The following LTK variants were observed in gnomAD, a reference collection of about 807,000 sequenced individuals.
LTK encodes leukocyte tyrosine kinase receptor.
LTK carries 117 observed loss-of-function variants against 101.5 expected under a neutral mutation model. The observed-to-expected ratio is 1.15, with a 90% CI of 0.99 to 1.34. LTK has a LOEUF of 1.34. LTK is among the 40% of genes most tolerant of loss of function. The pLI is 0.00. For missense variants in LTK, 1,252 were observed against 1,164.7 expected (o/e 1.07, Z -1.09); for synonymous variants, 563 against 494.2 (o/e 1.14, Z -1.85).
chr15:41,504,322 A>T lies in LTK; in HGVS notation c.2346+20T>A. On this transcript the variant is annotated intron_variant, in intron 19 of 19. Transcript: ENST00000263800. ...TCCTGACCCACAAGACCAGGATGTT[A>T]GATTAGGTCGGGGGCACACCTGAGT... 6.2e-7 allele frequency: 1 copy of T among 1,613,730 alleles called. No individual in the cohort carries two copies. Among genetic ancestry groups the T allele is most frequent in the Non-Finnish European group, 8.5e-7 (1 of 1,179,810 alleles).
intron 16 of LTK, 47 bp from the exon 17 acceptor site, chr15:41,504,921 CG>C (rs747529266): frequency 1.3e-6 from 2 of 1,595,244 alleles, no homozygotes; most frequent in South Asian, 2.3e-5. Context: ...CACCAAGGTG[CG>C]GGGAAAACCC....
chr15:41,513,636 GA>G (rs1566877472), intron 1 of LTK, 30 bp downstream of exon 1: 1 of 1,610,876 alleles, frequency 6.2e-7, no homozygotes, highest in South Asian at 1.1e-5. Flanking sequence ...CCTCAGGCTG[GA>G]CGGTCCCCTG....
chr15:41,505,892 G>C (rs367632540), intron 12 of LTK, 23 bp downstream of exon 12: 3 of 1,607,118 alleles, frequency 1.9e-6, no homozygotes, highest in Non-Finnish European at 2.6e-6. Flanking sequence ...CCTACCCCCA[G>C]CCAGAAGTCC....
At chr15:41,505,166 G>T (rs751504491) in intron 15 of LTK, 42 bp downstream of exon 15, 1 of 1,596,188 alleles carries the variant, frequency 6.3e-7, no homozygotes, top group Non-Finnish European at 8.6e-7. Flanking sequence ...CCTTGGGGAG[G>T]GAGTTGGGAT....
chr15:41,512,208 C>A lies in LTK; in HGVS notation c.417G>T (p.Ala139=), dbSNP rs748731374. ...GKGAKNHLSR[A]HGVFVSAIFS... is the part of the protein sequence containing the mutation. ...AGATTGCTGAGACGAAGACGCCATG[C>A]GCCCGCGACAGGTGGTTCTTGGCGC... Residue 139 remains alanine (A), a synonymous_variant, in exon 4 of 20, where the codon GCG becomes GCT. Transcript: ENST00000263800. 1.4e-5 allele frequency: 23 copies of A among 1,613,010 alleles called. No individual in the cohort carries two copies. The Admixed American group carries it at 1.8e-4, about 13-fold the overall frequency.
chr15:41,513,739 C>A lies in LTK; in HGVS notation c.-30G>T, dbSNP rs139430007. 1 of 1,609,130 alleles carries A rather than the reference C, an allele frequency of 6.2e-7. No individual in the cohort carries two copies. Among genetic ancestry groups the A allele is most frequent in the South Asian group, 1.1e-5 (1 of 91,018 alleles). ...GTTGGGTCCACCCGGCAACAAAAGC[C>A]CTTGCGGTCGCGGCCACACCCCTGT... On this transcript the variant is annotated 5_prime_UTR_variant, in exon 1 of 20. Transcript: ENST00000263800.
chr15:41,504,043 T>C lies in LTK; in HGVS notation c.2548A>G (p.Arg850Gly), dbSNP rs1337969951. 6.2e-7 allele frequency: 1 copy of C among 1,612,892 alleles called. No individual in the cohort carries two copies. Among genetic ancestry groups the C allele is most frequent in the Non-Finnish European group, 8.5e-7 (1 of 1,179,702 alleles). The change falls in exon 20 of 20, where the codon AGG (arginine) becomes GGG (glycine). Residue 850 changes from arginine to glycine, a missense_variant. Physicochemically the swap from Arg to Gly is moderately radical, Grantham distance 125. Transcript: ENST00000263800. ...LSSGLKPLKSRGLQPQNLWNP... is the reference protein window; with the variant it reads ...LSSGLKPLKSGGLQPQNLWNP... Reference sequence around the variant, plus strand: ...CAAAGGTTCTGAGGTTGGAGGCCCCTGGATTTGAGGGGCTTGAGGCCAGAG... The same window carrying C: ...CAAAGGTTCTGAGGTTGGAGGCCCCCGGATTTGAGGGGCTTGAGGCCAGAG...
chr15:41,513,681 C>T lies in LTK; in HGVS notation c.29G>A (p.Trp10Ter). The T allele has an allele frequency of 6.2e-6, 10 of 1,612,704 alleles. No homozygotes were observed. Among genetic ancestry groups the T allele is most frequent in the Non-Finnish European group, 8.5e-6 (10 of 1,179,490 alleles). The change falls in exon 1 of 20, where the codon TGG becomes TAG. Residue 10 changes from tryptophan (W) to a stop codon, truncating the protein, a stop_gained. Transcript: ENST00000263800. LOFTEE classifies it high-confidence loss of function. ...ATAGCACTTACCCGCGGCTCCGAAC[C>T]ACACCAGCAGCTGTCCCCAGCAGCC... is the stretch of plus-strand genomic sequence containing the variant. MGCWGQLLVWFGAAGAILCS... is the reference protein window; with the variant it reads MGCWGQLLV
At chr15:41,506,716 AC>A (rs1246464008) in intron 11 of LTK, among the ~76,000 whole-genome samples, 6 of 151,586 alleles carry the variant, frequency 4.0e-5, no homozygotes, top group Non-Finnish European at 8.8e-5. Context: ...TCAGCCTCCC[AC>A]GTAGCTGGGA....
chr15:41,504,339 C>T lies in LTK; in HGVS notation c.2346+3G>A, dbSNP rs767638622. On this transcript the variant is annotated splice_donor_region_variant and intron_variant, in intron 19 of 19. Transcript: ENST00000263800. ...AGGATGTTAGATTAGGTCGGGGGCA[C>T]ACCTGAGTGCAGTACTGCAGACGCT... 5.0e-6 allele frequency: 8 copies of T among 1,614,056 alleles called. No homozygotes were observed. Among genetic ancestry groups the T allele is most frequent in the Non-Finnish European group, 6.8e-6 (8 of 1,179,992 alleles).
At chr15:41,512,334 G>A in intron 3 of LTK, 69 bp from the exon 4 acceptor site, 3 of 1,504,102 alleles carry the variant, frequency 2.0e-6, no homozygotes, top group South Asian at 1.2e-5. Flanking sequence ...AGAAGTTGGC[G>A]ACAGAGGAGG....
In LTK at chr15:41,511,427, GC is replaced by G; in HGVS notation, c.808del (p.Ala270ArgfsTer104). The G allele has an allele frequency of 7.2e-7, 1 of 1,384,378 alleles. No homozygotes were observed. The highest frequency in any genetic ancestry group is 9.3e-7 in the Non-Finnish European group (1 of 1,078,200). 85.8% of individuals were successfully genotyped at this position (1,384,378 alleles called of 1,614,324 possible). A position where few individuals can be genotyped will look rare whatever the true frequency, so the allele number is the denominator to read the frequency against. ...CCCGCGGCCCGCGCCCTCACCTGCC[GC>G]CCCGCCTCTCCCGCCGCTCCCGGGC... is the stretch of plus-strand genomic sequence containing the variant. ...EAPGSGGRGGAAGGGGGWTSR... is the reference protein window; with the variant it reads ...EAPGSGGRGGXAGGGGGWTSR... On this transcript the variant is annotated frameshift_variant, in exon 6 of 20. Transcript: ENST00000263800. LOFTEE classifies it high-confidence loss of function. This position sits in a 1 kb window ranked among gnomAD's most constrained non-coding sequence, Gnocchi z 5.9.
At chr15:41,505,092 C>T (rs763263028) in intron 15 of LTK, 28 bp from the exon 16 acceptor site, 1 of 1,596,000 alleles carries the variant, frequency 6.3e-7, no homozygotes, top group Non-Finnish European at 8.6e-7. Flanking sequence ...AAAATCACTG[C>T]CAGAATCTAG....
chr15:41,513,199 A>G (rs530664203), intron 1 of LTK, 79 bp from the exon 2 acceptor site: 2 of 1,478,174 alleles, frequency 1.4e-6, no homozygotes, highest in African/African-American at 2.9e-5. Context: ...ACCCCGCAAC[A>G]GCTGCCCTTG....
Position 41,504,504 on chromosome 15 carries a change from A to G in LTK, c.2255+2T>C. 1 of 1,613,132 alleles carries G rather than the reference A, an allele frequency of 6.2e-7. No individual in the cohort carries two copies. Reference sequence around the variant, plus strand: ...TCCCTTCCCGGGCAGCACTCAACTCACACAGGCCCTGGGCAGCCCCTAGGA... The same window carrying G: ...TCCCTTCCCGGGCAGCACTCAACTCGCACAGGCCCTGGGCAGCCCCTAGGA... On this transcript the variant is annotated splice_donor_variant, in intron 18 of 19. Transcript: ENST00000263800. LOFTEE classifies it high-confidence loss of function.
chr15:41,504,551 A>G lies in LTK; in HGVS notation c.2210T>C (p.Val737Ala), dbSNP rs747515486. Residue 737 changes from valine (V) to alanine (A), a missense_variant, in exon 18 of 20, where the codon GTT becomes GCT. Transcript: ENST00000263800. The stretch of plus-strand genomic sequence containing the variant: ...AGGAGGGTCCATCCGGCCTCCTCCA[A>G]CGACGAAGTCCAGCACCTCCTGGTT... ...RTNQEVLDFV[V>A]GGGRMDPPRG... 9 of 1,613,788 alleles carry G rather than the reference A, an allele frequency of 5.6e-6. No individual in the cohort carries two copies. The African/African-American group carries it at 1.1e-4, about 19-fold the overall frequency.
intron 11 of LTK, among the ~76,000 whole-genome samples, chr15:41,506,892 G>C (rs1208159790): frequency 6.6e-6 from 1 of 152,174 alleles, no homozygotes; most frequent in East Asian, 1.9e-4. Context: ...GCCCAGCTGA[G>C]AGATCATATT....
chr15:41,511,586 G>C lies in LTK; in HGVS notation c.658-8C>G. ...CAGCTCGCCAGCGCGCACCTGTGGG[G>C]CCAGCGGCGTGTTCCAGGAAGCGCC... On this transcript the variant is annotated splice_region_variant and splice_polypyrimidine_tract_variant and intron_variant, in intron 5 of 19. Transcript: ENST00000263800. This position sits in a 1 kb window ranked among gnomAD's most constrained non-coding sequence, Gnocchi z 5.9. 7.0e-7 allele frequency: 1 copy of C among 1,436,816 alleles called. No homozygotes were observed. Among genetic ancestry groups the C allele is most frequent in the Non-Finnish European group, 9.0e-7 (1 of 1,107,026 alleles). The allele number at this position is 1,436,816 out of a possible 1,614,324, so 89.0% of individuals were successfully genotyped here. A position where few individuals can be genotyped will look rare whatever the true frequency, so the allele number is the denominator to read the frequency against.
At chr15:41,513,597 G>T in intron 1 of LTK, 70 bp downstream of exon 1, 1 of 1,428,588 alleles carries the variant, frequency 7.0e-7, no homozygotes, top group Non-Finnish European at 9.9e-7. Flanking sequence ...CTGGCCTGTT[G>T]ACCGGCCACC....
Sources: gnomAD v4.1 joint callset for allele counts (sites outside exome capture counted in the v4.1 genomes callset) on GRCh38, gnomAD v4.1.1 for gene constraint, Gnocchi (gnomAD v3.1) non-coding constraint, MANE v1.5 for transcripts, NCBI Gene and HGNC (gene_info 2026-07-23, HGNC 2026-07-21) for gene names.